Variants in GSE1 observed in about 807,000 individuals in gnomAD.
The protein encoded by GSE1 is Gse1 coiled-coil protein.
GSE1 carries 32 observed loss-of-function variants against 112.6 expected under a neutral mutation model. The observed-to-expected ratio is 0.28, with a 90% CI of 0.21 to 0.38. The LOEUF (loss-of-function observed/expected upper bound fraction) is 0.38, where lower values mean the gene tolerates loss of function less well. Ranked by LOEUF, GSE1 falls within the 10% of genes least tolerant of loss-of-function variation. The pLI is 1.00. For synonymous variants in GSE1, 1,115 were observed against 735.6 expected (o/e 1.52, Z -8.35); for missense variants, 2,348 against 1,699.2 (o/e 1.38, Z -6.71).
At chr16:85,344,954 G>A (rs1440056895) in intron 1 of GSE1, among the ~76,000 whole-genome samples, 1 of 152,220 alleles carries the variant, frequency 6.6e-6, no homozygotes, top group Non-Finnish European at 1.5e-5. Flanking sequence ...CCTCACCGTG[G>A]CTCACAGGTT....
At chr16:85,456,579 C>CGTATGT (rs2049831684) in intron 2 of GSE1, among the ~76,000 whole-genome samples, 1 of 91,476 alleles carries the variant, frequency 1.1e-5, no homozygotes, top group Non-Finnish European at 2.3e-5. Flanking sequence ...ATTTTCCTGC[C>CGTATGT]GTGTGTGTGT....
Position 85,675,869 on chromosome 16 carries a change from G to C in GSE1, c.*3330G>C, listed in dbSNP as rs1335372577. Reference sequence around the variant, plus strand: ...GTTGACTTTCTTACTACTTGCAGTAGCCTGTCCCCAACTTTTCCATCCAGT... The same window carrying C: ...GTTGACTTTCTTACTACTTGCAGTACCCTGTCCCCAACTTTTCCATCCAGT... On this transcript the variant is annotated 3_prime_UTR_variant, in exon 16 of 16. Transcript: ENST00000253458. The C allele has an allele frequency of 6.6e-6, 1 of 152,344 alleles. No homozygotes were observed. The highest frequency in any genetic ancestry group is 6.5e-5 in the Admixed American group (1 of 15,280). 9.4% of individuals were successfully genotyped at this position (152,344 alleles called of 1,614,324 possible).
chr16:85,302,030 C>G (rs1396209438), intron 1 of GSE1, among the ~76,000 whole-genome samples: 1 of 152,210 alleles, frequency 6.6e-6, no homozygotes, highest in Non-Finnish European at 1.5e-5. Context: ...AGGGCTGTTT[C>G]CAAACCTCCC....
chr16:85,512,053 G>A (rs75656379), intron 2 of GSE1, among the ~76,000 whole-genome samples: 2,033 of 152,258 alleles, frequency 0.013, 45 homozygotes, highest in African/African-American at 0.045. Flanking sequence ...GTGAGGGTCC[G>A]GGGGCTGGAT....
intron 2 of GSE1, among the ~76,000 whole-genome samples, chr16:85,389,548 A>T (rs1466873990): frequency 6.6e-6 from 1 of 151,568 alleles, no homozygotes; most frequent in Non-Finnish European, 1.5e-5. Flanking sequence ...GTTTGCATGC[A>T]GGTGGTGCAA....
chr16:85,549,180 T>C (rs557498709), intron 2 of GSE1, among the ~76,000 whole-genome samples: 67 of 147,620 alleles, frequency 4.5e-4, no homozygotes, highest in African/African-American at 1.6e-3. Context: ...TTTCTCTTCT[T>C]TTTTTTTTTT....
chr16:85,578,908 A>C lies in GSE1; in HGVS notation c.37+22545A>C, dbSNP rs568431369. 4.0e-5 allele frequency among the ~76,000 whole-genome samples: 6 copies of C among 149,710 alleles called. No homozygotes were observed. In the South Asian group the frequency reaches 1.3e-3, roughly 32 times the overall value. ...TTTTAGCATCTTACTGCGTCTCCTC[A>C]ACTGGACTGTAAGCTCCCCCCAGCA... is the stretch of plus-strand genomic sequence containing the variant. On this transcript the variant is annotated intron_variant, in intron 1 of 2. Transcript: ENST00000635906.
chr16:85,495,445 ATT>A (rs2051142242), intron 2 of GSE1, among the ~76,000 whole-genome samples: 1 of 149,616 alleles, frequency 6.7e-6, no homozygotes, highest in Non-Finnish European at 1.5e-5. Flanking sequence ...TTATTTATTT[ATT>A]TATTTATTTA....
intron 1 of GSE1, among the ~76,000 whole-genome samples, chr16:85,352,867 G>A (rs1454698173): frequency 6.6e-6 from 1 of 152,222 alleles, no homozygotes; most frequent in South Asian, 2.1e-4. Context: ...ATGGTAGTGG[G>A]AAGAGCTAGG....
intron 1 of GSE1, among the ~76,000 whole-genome samples, chr16:85,567,058 AC>A (rs2045785123): frequency 1.7e-5 from 1 of 59,956 alleles, no homozygotes; most frequent in Admixed American, 1.2e-4. Flanking sequence ...CCCCACCCCC[AC>A]CCCCACCCCC....
rs185850199 is a variant in GSE1, at chr16:85,205,155, A to G, written c.2283+33348A>G. 1.6e-3 allele frequency among the ~76,000 whole-genome samples: 241 copies of G among 152,168 alleles called. 1 individual carries two copies. The highest frequency in any genetic ancestry group is 5.5e-3 in the African/African-American group (230 of 41,490). On this transcript the variant is annotated intron_variant, in intron 1 of 2. Coordinates refer to the GSE1 transcript ENST00000637419. ...TTTATTTTTTATTTTTTTGAGACAG[A>G]GTCTCGCTCTGTCACCCAGGCTGGA... is the stretch of plus-strand genomic sequence containing the variant.
chr16:85,657,732 C>T, intron 8 of GSE1, 128 bp downstream of exon 8: 3 of 628,652 alleles, frequency 4.8e-6, no homozygotes, highest in Non-Finnish European at 7.8e-6. Flanking sequence ...CATTTCTGTT[C>T]TTTCATCTTC....
At chr16:85,223,470 C>T (rs2075429087) in intron 1 of GSE1, among the ~76,000 whole-genome samples, 1 of 150,844 alleles carries the variant, frequency 6.6e-6, no homozygotes, top group African/African-American at 2.4e-5. Context: ...CTGCAGTGAG[C>T]CAAGATCGTG....
intron 1 of GSE1, among the ~76,000 whole-genome samples, chr16:85,274,656 T>C (rs1203015063): frequency 1.3e-5 from 2 of 152,348 alleles, no homozygotes; most frequent in Admixed American, 6.5e-5. Flanking sequence ...GGCAGCTTAG[T>C]GTTAGCAGTG....
upstream of GSE1, among the ~76,000 whole-genome samples, chr16:85,612,919 TAA>T (rs1183617456): frequency 6.7e-6 from 1 of 149,984 alleles, no homozygotes; most frequent in Non-Finnish European, 1.5e-5. Flanking sequence ...TGCACTACTT[TAA>T]GAGTTAAGTG....
chr16:85,657,466 A>AGCGGCGGCT lies in GSE1; in HGVS notation c.1508_1516dup (p.Arg503_Arg505dup). ...GAGGAGGAGAAGTGGCTGGCGCGGC[A>AGCGGCGGCT]GCGGCGGCTGCGGCAGGAGAAGGAG... On this transcript the variant is annotated inframe_insertion, in exon 8 of 16. Coordinates refer to ENST00000253458, the MANE Select transcript of GSE1 (RefSeq NM_014615.5). 3 of 1,609,728 alleles carry AGCGGCGGCT rather than the reference A, an allele frequency of 1.9e-6. No individual in the cohort carries two copies. Among genetic ancestry groups the AGCGGCGGCT allele is most frequent in the Middle Eastern group, 1.7e-4 (1 of 6,048 alleles).
At chr16:85,646,625 G>C (rs140241357) in intron 2 of GSE1, among the ~76,000 whole-genome samples, 190 of 152,304 alleles carry the variant, frequency 1.2e-3, no homozygotes, top group African/African-American at 4.4e-3. Context: ...AGGGAAGGGG[G>C]CTTGGGGAGG....
intron 2 of GSE1, among the ~76,000 whole-genome samples, chr16:85,422,208 AATGG>A (rs1309651485): frequency 1.3e-5 from 2 of 151,550 alleles, no homozygotes; most frequent in African/African-American, 4.9e-5. Flanking sequence ...AGCTTCTTCT[AATGG>A]GTTAAGTGAC....
At chr16:85,205,434 GTC>G (rs2075099119) in intron 1 of GSE1, among the ~76,000 whole-genome samples, 1 of 152,174 alleles carries the variant, frequency 6.6e-6, no homozygotes, top group African/African-American at 2.4e-5. Flanking sequence ...GCCCAGCCTT[GTC>G]TCTGTTTTGC....
Sources: gnomAD v4.1 joint callset for allele counts (sites outside exome capture counted in the v4.1 genomes callset) on GRCh38, gnomAD v4.1.1 for gene constraint, MANE v1.5 for transcripts, NCBI Gene and HGNC (gene_info 2026-07-23, HGNC 2026-07-21) for gene names.